MBD5: variants seen among roughly 807,000 people sequenced by gnomAD.
MBD5 encodes the protein methyl-CpG-binding domain protein 5.
MBD5 carries 13 observed loss-of-function variants against 117.3 expected under a neutral mutation model. The ratio of observed to expected loss-of-function variants is 0.11; its 90% CI spans 0.07 to 0.18. The LOEUF (loss-of-function observed/expected upper bound fraction) is 0.18, where lower values mean the gene tolerates loss of function less well. Ranked by LOEUF, MBD5 falls within the 10% of genes least tolerant of loss-of-function variation. The pLI, the probability that MBD5 is intolerant of heterozygous loss-of-function variation, is 1.00. For missense variants in MBD5, 1,879 were observed against 2,093.8 expected, an observed-to-expected ratio of 0.90 and a Z score of 2.00; for synonymous variants, 727 against 766.4, an observed-to-expected ratio of 0.95 and a Z score of 0.85.
At chr2:148,399,006 G>A (rs1355308142) in intron 4 of MBD5, among the ~76,000 whole-genome samples, 4 of 152,120 alleles carry the variant, frequency 2.6e-5, no homozygotes, top group African/African-American at 9.7e-5. Flanking sequence ...TGTTCCATTG[G>A]TCTATATCTC....
intron 2 of MBD5, among the ~76,000 whole-genome samples, chr2:148,203,021 CT>C (rs1424122002): frequency 6.6e-6 from 1 of 150,670 alleles, no homozygotes; most frequent in African/African-American, 2.4e-5. Context: ...AGGAGAATCG[CT>C]TGAACTTGGG....
chr2:148,447,291 T>C (rs1363625737), intron 4 of MBD5, among the ~76,000 whole-genome samples: 2 of 151,410 alleles, frequency 1.3e-5, no homozygotes, highest in African/African-American at 2.4e-5. Context: ...AGGATTGAAA[T>C]TGGATGGTTC....
intron 2 of MBD5, among the ~76,000 whole-genome samples, chr2:148,232,649 C>T (rs376316460): frequency 2.1e-4 from 29 of 140,684 alleles, no homozygotes; most frequent in Middle Eastern, 3.8e-3. Context: ...GACTTTTTTT[C>T]TTTTTTTTTT....
intron 3 of MBD5, among the ~76,000 whole-genome samples, chr2:148,324,746 G>T (rs918356068): frequency 6.6e-6 from 1 of 152,110 alleles, no homozygotes; most frequent in South Asian, 2.1e-4. Context: ...TGAGACAAGG[G>T]GGTTGTCTAG....
chr2:148,448,545 T>C (rs1706634524), intron 4 of MBD5, among the ~76,000 whole-genome samples: 1 of 151,990 alleles, frequency 6.6e-6, no homozygotes, highest in Admixed American at 6.6e-5. Flanking sequence ...GTTTATATAC[T>C]TTATATAAAG....
At chr2:148,074,495 G>GTTTTTTTTTTTTT (rs1034437368) in intron 1 of MBD5, among the ~76,000 whole-genome samples, 31 of 109,808 alleles carry the variant, frequency 2.8e-4, no homozygotes, top group South Asian at 9.3e-4. Flanking sequence ...TTTTTTTTTT[G>GTTTTTTTTTTTTT]TTTTTTTTTT....
chr2:148,474,512 A>G (rs1680897595), intron 8 of MBD5, among the ~76,000 whole-genome samples: 1 of 152,118 alleles, frequency 6.6e-6, no homozygotes, highest in African/African-American at 2.4e-5. Flanking sequence ...AATGACTTTT[A>G]TGTTCTCTTA....
At chr2:148,146,688 G>A (rs1302306158) in intron 1 of MBD5, among the ~76,000 whole-genome samples, 2 of 152,026 alleles carry the variant, frequency 1.3e-5, no homozygotes, top group Admixed American at 6.6e-5. Flanking sequence ...TATTATTACT[G>A]CCCCTTTCTG....
At chr2:148,120,575 G>C (rs1023569533) in intron 1 of MBD5, among the ~76,000 whole-genome samples, 1 of 151,954 alleles carries the variant, frequency 6.6e-6, no homozygotes, top group Non-Finnish European at 1.5e-5. Flanking sequence ...TAACTTCACT[G>C]TCCAACTGTT....
intron 3 of MBD5, among the ~76,000 whole-genome samples, chr2:148,238,468 A>G (rs966657972): frequency 6.6e-6 from 1 of 152,204 alleles, no homozygotes; most frequent in Non-Finnish European, 1.5e-5. Flanking sequence ...TCTTTTATGT[A>G]TATATCGATC....
chr2:148,327,423 T>G (rs562154616), intron 3 of MBD5, among the ~76,000 whole-genome samples: 4 of 152,052 alleles, frequency 2.6e-5, no homozygotes, highest in Non-Finnish European at 2.9e-5. Context: ...ATAATATCCT[T>G]TAGAGTGTTT....
chr2:148,265,483 A>G (rs1424139932), intron 3 of MBD5, among the ~76,000 whole-genome samples: 1 of 152,184 alleles, frequency 6.6e-6, no homozygotes, highest in Non-Finnish European at 1.5e-5. Flanking sequence ...TTCAAAAATC[A>G]CAGATTATTG....
In MBD5 at chr2:148,480,843, A is replaced by T. The variant is rs139212734; in HGVS notation, c.2519-2267A>T. On this transcript the variant is annotated intron_variant, in intron 8 of 13. Coordinates refer to ENST00000642680, the MANE Select transcript of MBD5 (RefSeq NM_001378120.1). ...ATATTTTCAAAGAGGAGTTTTTAAG[A>T]TCTCATTCTTTAAAACACTGAAAAC... Among the ~76,000 whole-genome samples, 77 of 152,180 alleles carry T rather than the reference A, an allele frequency of 5.1e-4. No individual in the cohort carries two copies. The East Asian group carries it at 0.013, about 26-fold the overall frequency.
rs1470442862 is a variant in MBD5, at chr2:148,490,452, A to T, written c.4820A>T (p.Glu1607Val). The T allele has an allele frequency of 1.2e-6, 2 of 1,614,072 alleles. No individual in the cohort carries two copies. The highest frequency in any genetic ancestry group is 1.7e-6 in the Non-Finnish European group (2 of 1,180,058). ...AACCCAGACTCCCCCTCTTCAAATG[A>T]ATTGATACATTATAGACCAAGGACG... The part of the protein sequence containing the change: ...LRNPDSPSSN[E>V]LIHYRPRTFN... The change falls in exon 11 of 14, where the codon GAA (glutamate) becomes GTA (valine). Residue 1607 changes from glutamate (E) to valine (V), a missense_variant. Transcript: ENST00000642680.
chr2:148,197,821 T>TG (rs1162299412), intron 2 of MBD5, among the ~76,000 whole-genome samples: 1 of 148,980 alleles, frequency 6.7e-6, no homozygotes, highest in East Asian at 1.9e-4. Flanking sequence ...TTTTTTTGTT[T>TG]TTTTTTTTTG....
intron 4 of MBD5, among the ~76,000 whole-genome samples, chr2:148,389,242 A>T (rs1299257176): frequency 1.2e-4 from 3 of 24,478 alleles, no homozygotes; most frequent in South Asian, 3.2e-3. Flanking sequence ...TATAAATAGG[A>T]AAAAAAAACA....
chr2:148,343,531 A>G (rs145118729), intron 4 of MBD5, among the ~76,000 whole-genome samples: 1 of 152,004 alleles, frequency 6.6e-6, no homozygotes. Flanking sequence ...ATTAGTGATA[A>G]TAAGCACTTT....
intron 3 of MBD5, among the ~76,000 whole-genome samples, chr2:148,335,679 A>C (rs1702768539): frequency 6.6e-6 from 1 of 152,088 alleles, no homozygotes; most frequent in African/African-American, 2.4e-5. Context: ...TGATCGCACC[A>C]CTGCTCTCCA....
At chr2:148,109,771 A>G (rs111668663) in intron 1 of MBD5, among the ~76,000 whole-genome samples, 4 of 152,284 alleles carry the variant, frequency 2.6e-5, no homozygotes, top group African/African-American at 9.6e-5. Flanking sequence ...ATGATTTTCA[A>G]AACATTCTCA....
Sources: gnomAD v4.1 joint callset for allele counts (sites outside exome capture counted in the v4.1 genomes callset) on GRCh38, gnomAD v4.1.1 for gene constraint, MANE v1.5 for transcripts, NCBI Gene and HGNC (gene_info 2026-07-23, HGNC 2026-07-21) for gene names.